The following ABLIM2 variants were observed in gnomAD, a reference collection of about 807,000 sequenced individuals.
ABLIM2 encodes actin binding LIM protein family member 2, also known as actin-binding LIM protein 2.
In ABLIM2, 53 loss-of-function variants were observed where a neutral mutation model predicts 97.7. The ratio of observed to expected loss-of-function variants is 0.54; its 90% confidence interval spans 0.44 to 0.68. The LOEUF (loss-of-function observed/expected upper bound fraction) is 0.68. ABLIM2 is among the 30% of genes least tolerant of loss of function. ABLIM2 has a pLI of 0.00. For synonymous variants in ABLIM2, 361 were observed against 345.8 expected (o/e 1.04, Z -0.49); for missense variants, 835 against 867.2 (o/e 0.96, Z 0.47).
rs1158199921 is a variant in ABLIM2 at position 8,043,828 on chromosome 4, C to T, written c.900+1336G>A. Among the ~76,000 whole-genome samples the T allele has an allele frequency of 2.6e-5, 4 of 152,352 alleles. No individual in the cohort carries two copies. The highest frequency in any genetic ancestry group is 2.1e-4 in the South Asian group (1 of 4,822). On this transcript the variant is annotated intron_variant, in intron 9 of 20. Coordinates refer to ENST00000447017, the MANE Select transcript of ABLIM2 (RefSeq NM_001130083.2). This position sits in a 1 kb window ranked among gnomAD's most constrained non-coding sequence, Gnocchi z 4.8. ...GCTGTGCTCACTGCCACCCAGGCAG[C>T]GCCTCAGTGAGCCCTGGACCGAAGG...
At position 8,149,132 on chromosome 4, in the gene ABLIM2, C is replaced by T. The variant is rs1711671886; in HGVS notation, c.10+9548G>A. On this transcript the variant is annotated intron_variant, in intron 1 of 20. Transcript: ENST00000447017. This position sits in a 1 kb window ranked among gnomAD's most constrained non-coding sequence, Gnocchi z 6.4. ...GTGCCTCTTCCAGCTTCTAGGGGCA[C>T]CCGAGTTTCTTGGTGTGGGGCCCCT... Among the ~76,000 whole-genome samples the T allele has an allele frequency of 6.6e-6, 1 of 152,158 alleles. No individual in the cohort carries two copies. Among genetic ancestry groups the T allele is most frequent in the African/African-American group, 2.4e-5 (1 of 41,432 alleles).
At chr4:8,030,084 TCTC>T (rs1334462731) in intron 10 of ABLIM2, among the ~76,000 whole-genome samples, 2 of 152,012 alleles carry the variant, frequency 1.3e-5, no homozygotes, top group Admixed American at 6.6e-5. Context: ...ATCCTCCAGG[TCTC>T]CTCCTGCCTG....
Position 8,106,574 on chromosome 4 carries a change from T to C in ABLIM2, c.74A>G (p.Asn25Ser), listed in dbSNP as rs1837516137. 7 of 1,611,068 alleles carry C rather than the reference T, an allele frequency of 4.3e-6. 1 individual carries two copies. The South Asian group carries it at 6.7e-5, about 15-fold the overall frequency. ...EKSPSTAILC[N>S]TCGNVCKGEV... The stretch of plus-strand genomic sequence containing the variant: ...GCCCTTGCACACATTCCCACACGTG[T>C]TGCACAGGATCGCCGTGCTGGGCGA... The change falls in exon 2 of 21, where the codon AAC becomes AGC. Residue 25 changes from asparagine (N) to serine (S), a missense_variant. Transcript: ENST00000447017.
intron 7 of ABLIM2, 84 bp downstream of exon 7, chr4:8,060,883 C>T: frequency 8.3e-7 from 1 of 1,197,820 alleles, no homozygotes; most frequent in Non-Finnish European, 1.2e-6. Context: ...CTGTCACCAA[C>T]CTGTTCACAC....
chr4:8,085,776 C>T lies in ABLIM2; in HGVS notation c.454+2393G>A, dbSNP rs750158609. 2.6e-5 allele frequency among the ~76,000 whole-genome samples: 4 copies of T among 152,212 alleles called. No homozygotes were observed. The highest frequency in any genetic ancestry group is 5.9e-5 in the Non-Finnish European group (4 of 68,034). On this transcript the variant is annotated intron_variant, in intron 4 of 20. Coordinates refer to ENST00000447017, the MANE Select transcript of ABLIM2 (RefSeq NM_001130083.2). The surrounding 1 kb of genome is among the most constrained non-coding windows in gnomAD (Gnocchi z 6.1). ...ACAGGTGTTTAGTCTTTGTACTCAT[C>T]TGTAGCATCCTCCCCCTTCCAGACC...
At chr4:7,991,742 G>A (rs1474904853) in intron 17 of ABLIM2, among the ~76,000 whole-genome samples, 1 of 152,182 alleles carries the variant, frequency 6.6e-6, no homozygotes, top group African/African-American at 2.4e-5. Context: ...CCATGCAGAG[G>A]TGCCTGGGCC....
rs912397052 is a variant in ABLIM2 at position 8,088,406 on chromosome 4, C to T, written c.339-122G>A. 3.3e-5 allele frequency: 24 copies of T among 735,516 alleles called. No individual in the cohort carries two copies. The Admixed American group carries it at 5.7e-4, about 17-fold the overall frequency. The allele number at this position is 735,516 out of a possible 1,614,324, so 45.6% of individuals were successfully genotyped here. ...CAGGATCTTGCAAAGGTACCACTCA[C>T]AGGCTGAGGAAATGCAGGGCCTCTC... On this transcript the variant is annotated intron_variant, in intron 3 of 20. Coordinates refer to ENST00000447017, the MANE Select transcript of ABLIM2 (RefSeq NM_001130083.2).
intron 1 of ABLIM2, among the ~76,000 whole-genome samples, chr4:8,154,128 A>G (rs1714255754): frequency 6.6e-6 from 1 of 151,292 alleles, no homozygotes; most frequent in Non-Finnish European, 1.5e-5. Flanking sequence ...ACGCCCAGCT[A>G]ATTTTTTGTA....
Position 8,095,159 on chromosome 4 carries a change from A to G in ABLIM2, c.338+1940T>C, listed in dbSNP as rs1577706874. On this transcript the variant is annotated intron_variant, in intron 3 of 20. Coordinates refer to ENST00000447017, the MANE Select transcript of ABLIM2 (RefSeq NM_001130083.2). The surrounding 1 kb of genome is among the most constrained non-coding windows in gnomAD (Gnocchi z 4.7). ...TGCTCTGTTACCCAGGCTGGAGAGCAGTGGTGCAATCATAGCTCACTGCAG... is the reference window on the plus strand; with the variant it reads ...TGCTCTGTTACCCAGGCTGGAGAGCGGTGGTGCAATCATAGCTCACTGCAG... Among the ~76,000 whole-genome samples, 1 of 150,524 alleles carries G rather than the reference A, an allele frequency of 6.6e-6. No homozygotes were observed. The highest frequency in any genetic ancestry group is 6.6e-5 in the Admixed American group (1 of 15,100).
At chr4:8,105,894 G>A (rs1837157060) in intron 2 of ABLIM2, among the ~76,000 whole-genome samples, 1 of 152,104 alleles carries the variant, frequency 6.6e-6, no homozygotes, top group Non-Finnish European at 1.5e-5. Context: ...ACTCGGCACA[G>A]GCCATCTCCG....
rs1177174817 is a variant in ABLIM2 at position 8,130,803 on chromosome 4, T to C, written c.11-24166A>G. ...GAATACAAAATCGGTATCACTGGGC[T>C]GATGTCAAGGCAGCCCCAAGGCCGA... On this transcript the variant is annotated intron_variant, in intron 1 of 20. Transcript: ENST00000447017. The surrounding 1 kb of genome is among the most constrained non-coding windows in gnomAD (Gnocchi z 4.2). 6.6e-6 allele frequency among the ~76,000 whole-genome samples: 1 copy of C among 152,200 alleles called. No homozygotes were observed. Among genetic ancestry groups the C allele is most frequent in the Non-Finnish European group, 1.5e-5 (1 of 68,020 alleles).
At chr4:8,039,539 G>A (rs972077275) in intron 9 of ABLIM2, among the ~76,000 whole-genome samples, 1 of 152,184 alleles carries the variant, frequency 6.6e-6, no homozygotes, top group African/African-American at 2.4e-5. Flanking sequence ...ATTGGCGGAA[G>A]GTCTCTGGAG....
Position 8,071,697 on chromosome 4 carries a change from AC to A in ABLIM2, c.675+5930del. 3 of 387,408 alleles carry A rather than the reference AC, an allele frequency of 7.7e-6. No individual in the cohort carries two copies. Among genetic ancestry groups the A allele is most frequent in the Non-Finnish European group, 1.0e-5 (3 of 294,818 alleles). 24.0% of individuals were successfully genotyped at this position (387,408 alleles called of 1,614,324 possible). ...CTGACTGCTCTGTCCCCAAAAACCC[AC>A]CCACCCGCAGCCCCTCCTGGCCCCT... On this transcript the variant is annotated intron_variant, in intron 6 of 20. Coordinates refer to ENST00000447017, the MANE Select transcript of ABLIM2 (RefSeq NM_001130083.2). This position sits in a 1 kb window ranked among gnomAD's most constrained non-coding sequence, Gnocchi z 6.2.
intron 3 of ABLIM2, 96 bp from the exon 4 acceptor site, chr4:8,088,380 C>G: frequency 1.1e-6 from 1 of 933,182 alleles, no homozygotes; most frequent in Non-Finnish European, 1.7e-6. Flanking sequence ...CAATGTCTCC[C>G]CAGGATCTTG....
intron 1 of ABLIM2, among the ~76,000 whole-genome samples, chr4:8,131,959 A>AGCAGCCCGCATCCCCTGCACG (rs1206232045): frequency 0.018 from 2,496 of 139,812 alleles, 150 homozygotes; most frequent in African/African-American, 0.067. Flanking sequence ...CCCTGAGCAC[A>AGCAGCCCGCATCCCCTGCACG]GCAGCCCGCA....
chr4:8,076,890 T>TG lies in ABLIM2; in HGVS notation c.675+737dup, dbSNP rs1380411781. On this transcript the variant is annotated intron_variant, in intron 6 of 20. Coordinates refer to ENST00000447017, the MANE Select transcript of ABLIM2 (RefSeq NM_001130083.2). The stretch of plus-strand genomic sequence containing the variant: ...AACCCAGAGAGGGTGGGCTACAGGG[T>TG]GGGGGGGTCTGTGAACCCAGAGAGG... 7.6e-3 allele frequency among the ~76,000 whole-genome samples: 13 copies of TG among 1,716 alleles called. 1 individual carries two copies. The highest frequency in any genetic ancestry group is 0.026 in the African/African-American group (12 of 454). 1.1% of individuals were successfully genotyped at this position (1,716 alleles called of 152,430 possible).
At position 8,040,488 on chromosome 4, in the gene ABLIM2, G is replaced by A. The variant is rs542271065; in HGVS notation, c.901-4193C>T. On this transcript the variant is annotated intron_variant, in intron 9 of 20. Transcript: ENST00000447017. ...TAGCCAGGCATGGTGGTGGGCGCCTGTAATCTCACAGACTTGGGAGGCTGA... is the reference window on the plus strand; with the variant it reads ...TAGCCAGGCATGGTGGTGGGCGCCTATAATCTCACAGACTTGGGAGGCTGA... 2.2e-3 allele frequency among the ~76,000 whole-genome samples: 330 copies of A among 152,054 alleles called. 1 individual carries two copies. Among genetic ancestry groups the A allele is most frequent in the Non-Finnish European group, 4.2e-3 (289 of 68,010 alleles).
intron 20 of ABLIM2, among the ~76,000 whole-genome samples, chr4:7,982,169 G>A (rs931892976): frequency 4.6e-5 from 7 of 150,824 alleles, no homozygotes; most frequent in East Asian, 1.9e-4. Context: ...CTGAGCCACC[G>A]CCCCTCAGCG....
Position 8,112,721 on chromosome 4 carries a change from TCCATA to T in ABLIM2, c.11-6089_11-6085del, listed in dbSNP as rs1020566082. ...CAGCCCTCGACATTCTCTTGTTTGTTCCATACCATGCCCCACAGGAATGGTCAGTC... is the reference window on the plus strand; with the variant it reads ...CAGCCCTCGACATTCTCTTGTTTGTTCCATGCCCCACAGGAATGGTCAGTC... On this transcript the variant is annotated intron_variant, in intron 1 of 20. Coordinates refer to ENST00000447017, the MANE Select transcript of ABLIM2 (RefSeq NM_001130083.2). This position sits in a 1 kb window ranked among gnomAD's most constrained non-coding sequence, Gnocchi z 4.2. Among the ~76,000 whole-genome samples the T allele has an allele frequency of 6.6e-6, 1 of 152,118 alleles. No individual in the cohort carries two copies. Among genetic ancestry groups the T allele is most frequent in the Admixed American group, 6.5e-5 (1 of 15,282 alleles).
Sources: allele counts gnomAD v4.1 joint callset (sites outside exome capture counted in the v4.1 genomes callset), GRCh38; gene constraint gnomAD v4.1.1; non-coding constraint Gnocchi (gnomAD v3.1); transcripts MANE v1.5; gene names NCBI Gene and HGNC (gene_info 2026-07-23, HGNC 2026-07-21).